RNF144A: variants seen among roughly 807,000 people sequenced by gnomAD.
RNF144A encodes the protein ring finger protein 144A.
In RNF144A, 11 loss-of-function variants were observed where a neutral mutation model predicts 38.7. The observed-to-expected ratio is 0.28, with a 90% CI of 0.18 to 0.47. The LOEUF (loss-of-function observed/expected upper bound fraction) is 0.47, where lower values mean the gene tolerates loss of function less well. Among genes scored for constraint, RNF144A ranks in the 20% least tolerant of loss-of-function variants. The pLI is 0.99. For missense variants in RNF144A, 316 were observed against 377.2 expected, an observed-to-expected ratio of 0.84 and a Z score of 1.34; for synonymous variants, 149 against 143.9, an observed-to-expected ratio of 1.04 and a Z score of -0.25.
At chr2:7,064,956 G>A (rs1206046795) in intron 6 of RNF144A, among the ~76,000 whole-genome samples, 1 of 152,168 alleles carries the variant, frequency 6.6e-6, no homozygotes, top group African/African-American at 2.4e-5. Context: ...CGGGGCAGTA[G>A]TAGATCTTTT....
chr2:6,985,013 C>T (rs994074360), intron 2 of RNF144A, among the ~76,000 whole-genome samples: 2 of 152,196 alleles, frequency 1.3e-5, no homozygotes, highest in Admixed American at 6.5e-5. Context: ...CAGTGTTTCC[C>T]ATGCTCTCTT....
At chr2:6,956,807 A>G (rs1355773361) in intron 2 of RNF144A, among the ~76,000 whole-genome samples, 1 of 152,208 alleles carries the variant, frequency 6.6e-6, no homozygotes, top group African/African-American at 2.4e-5. Flanking sequence ...TTCAGCAAAT[A>G]CATATGCTAC....
chr2:6,973,672 A>T (rs1436367550), intron 2 of RNF144A, among the ~76,000 whole-genome samples: 1 of 152,218 alleles, frequency 6.6e-6, no homozygotes, highest in Non-Finnish European at 1.5e-5. Flanking sequence ...TTTACTAGAG[A>T]AAGGAGAAGA....
intron 2 of RNF144A, among the ~76,000 whole-genome samples, chr2:6,942,804 C>G (rs913231125): frequency 2.0e-5 from 3 of 152,068 alleles, no homozygotes; most frequent in Non-Finnish European, 4.4e-5. Context: ...GCCAACATGG[C>G]AAAACCCCAT....
rs1329152606 is a variant in RNF144A at position 6,943,870 on chromosome 2, G to C, written c.-12+2723G>C. The stretch of plus-strand genomic sequence containing the variant: ...AGGAGGCAGCAGAAAGTCCTCTAGA[G>C]AGATGGAGGTGCAGAGCGGTCACCT... On this transcript the variant is annotated intron_variant, in intron 2 of 8. Transcript: ENST00000320892. This position sits in a 1 kb window ranked among gnomAD's most constrained non-coding sequence, Gnocchi z 4.3. Among the ~76,000 whole-genome samples, 2 of 152,198 alleles carry C rather than the reference G, an allele frequency of 1.3e-5. No individual in the cohort carries two copies. The highest frequency in any genetic ancestry group is 4.8e-5 in the African/African-American group (2 of 41,454).
chr2:7,054,910 C>T (rs751420615), intron 6 of RNF144A, among the ~76,000 whole-genome samples: 3 of 152,040 alleles, frequency 2.0e-5, no homozygotes, highest in Admixed American at 1.3e-4. Context: ...TTTCTTGCTC[C>T]CCTCATTTGA....
intron 2 of RNF144A, among the ~76,000 whole-genome samples, chr2:6,992,327 A>G (rs905518320): frequency 6.6e-6 from 1 of 152,188 alleles, no homozygotes; most frequent in African/African-American, 2.4e-5. Context: ...CATTCCAGCA[A>G]GTTCTCAGGT....
chr2:7,029,491 G>T (rs1672138130), intron 7 of RNF144A, among the ~76,000 whole-genome samples: 1 of 152,222 alleles, frequency 6.6e-6, no homozygotes, highest in Non-Finnish European at 1.5e-5. Flanking sequence ...GAGAACTGCT[G>T]CCCACTCAGG....
At chr2:7,028,967 C>T (rs921620) in intron 7 of RNF144A, among the ~76,000 whole-genome samples, 19,301 of 152,128 alleles carry the variant, frequency 0.13, 1,974 homozygotes, top group East Asian at 0.55. Context: ...GGAGGCTTGA[C>T]CCCAAAAATC....
intron 2 of RNF144A, among the ~76,000 whole-genome samples, chr2:6,961,868 C>G (rs1229851539): frequency 6.6e-6 from 1 of 152,194 alleles, no homozygotes; most frequent in Non-Finnish European, 1.5e-5. Context: ...GTAGTATTAG[C>G]TACAGTGTTT....
At chr2:6,927,047 A>T (rs896993099) in intron 1 of RNF144A, among the ~76,000 whole-genome samples, 2 of 152,224 alleles carry the variant, frequency 1.3e-5, no homozygotes, top group South Asian at 4.1e-4. Flanking sequence ...TCACTGTAGT[A>T]AAAACAACCA....
At chr2:7,009,894 G>C (rs1670682989) in intron 3 of RNF144A, among the ~76,000 whole-genome samples, 1 of 152,218 alleles carries the variant, frequency 6.6e-6, no homozygotes, top group South Asian at 2.1e-4. Context: ...AATGCCTGTT[G>C]CCAGGTGTCT....
At chr2:7,046,701 A>G (rs1045460172), downstream of RNF144A, among the ~76,000 whole-genome samples, 3 of 152,302 alleles carry the variant, frequency 2.0e-5, no homozygotes, top group African/African-American at 7.2e-5. Context: ...AACAGCTCAC[A>G]TCATGGCTCA....
chr2:6,970,152 T>C (rs912256741), intron 2 of RNF144A, among the ~76,000 whole-genome samples: 5 of 152,212 alleles, frequency 3.3e-5, no homozygotes, highest in African/African-American at 1.2e-4. Flanking sequence ...GGTCCTGATA[T>C]GGTTTGGCTT....
intron 7 of RNF144A, among the ~76,000 whole-genome samples, chr2:7,028,538 G>A (rs1157851319): frequency 6.6e-6 from 1 of 152,202 alleles, no homozygotes; most frequent in Non-Finnish European, 1.5e-5. Context: ...CAACTGGGTA[G>A]TACACAGGAT....
chr2:7,065,381 T>C (rs1009822773), intron 6 of RNF144A, among the ~76,000 whole-genome samples: 2 of 152,126 alleles, frequency 1.3e-5, no homozygotes, highest in Non-Finnish European at 2.9e-5. Context: ...CCATGGCGGA[T>C]AGGGAGATTT....
At chr2:6,972,823 G>T (rs765349630) in intron 2 of RNF144A, among the ~76,000 whole-genome samples, 5 of 152,188 alleles carry the variant, frequency 3.3e-5, no homozygotes, top group African/African-American at 1.2e-4. Flanking sequence ...CAGAAGATCC[G>T]CAGGGAAGAG....
At chr2:6,977,288 C>T (rs1668372988) in intron 2 of RNF144A, among the ~76,000 whole-genome samples, 1 of 152,190 alleles carries the variant, frequency 6.6e-6, no homozygotes, top group Non-Finnish European at 1.5e-5. Flanking sequence ...AGGAGGCAGG[C>T]CCAGGGCTGG....
chr2:6,922,298 T>TG (rs1664587948), intron 1 of RNF144A, among the ~76,000 whole-genome samples: 1 of 152,156 alleles, frequency 6.6e-6, no homozygotes, highest in Admixed American at 6.5e-5. Context: ...GTGCAGGCTC[T>TG]GGGGGCTTCT....
Sources: allele counts gnomAD v4.1 joint callset (sites outside exome capture counted in the v4.1 genomes callset), GRCh38; gene constraint gnomAD v4.1.1; non-coding constraint Gnocchi (gnomAD v3.1); transcripts MANE v1.5; gene names NCBI Gene and HGNC (gene_info 2026-07-23, HGNC 2026-07-21).